The following PCSK4 variants were observed in gnomAD, a reference collection of about 807,000 sequenced individuals.
PCSK4 encodes the protein proprotein convertase subtilisin/kexin type 4.
Under a neutral mutation model 80.3 loss-of-function variants are expected in PCSK4, and 64 were observed. The ratio of observed to expected loss-of-function variants is 0.80; its 90% confidence interval spans 0.65 to 0.98. The LOEUF is 0.98. Among genes scored for constraint, PCSK4 ranks in the 50% least tolerant of loss-of-function variants. The pLI is 0.00. For missense variants in PCSK4, 1,213 were observed against 1,093.6 expected, an observed-to-expected ratio of 1.11 and a Z score of -1.54; for synonymous variants, 561 against 487.6, an observed-to-expected ratio of 1.15 and a Z score of -1.98.
chr19:1,489,659 G>A, intron 2 of PCSK4, 134 bp downstream of exon 2: 1 of 1,439,566 alleles, frequency 6.9e-7, no homozygotes, highest in South Asian at 1.4e-5. Context: ...GTATAGACTT[G>A]GGGCCCGGGC....
chr19:1,489,598 C>A, intron 2 of PCSK4, 195 bp downstream of exon 2: 10 of 992,952 alleles, frequency 1.0e-5, no homozygotes, highest in Non-Finnish European at 1.3e-5. Context: ...TGTACCAGGC[C>A]CTGGCAGGCG....
At position 1,487,798 on chromosome 19, in the gene PCSK4, TG is replaced by T; in HGVS notation, c.579del (p.Ser194AlafsTer52). On this transcript the variant is annotated frameshift_variant, in exon 5 of 15. Coordinates refer to ENST00000300954, the Ensembl canonical transcript of PCSK4. LOFTEE classifies it high-confidence loss of function. ...AGCCCTGCTCACCGGTTCTCTTTGCTGGGGGTGTAGCGGGGCTGGGGGTCCG... is the reference window on the plus strand; with the variant it reads ...AGCCCTGCTCACCGGTTCTCTTTGCTGGGGTGTAGCGGGGCTGGGGGTCCG... 6.3e-7 allele frequency: 1 copy of T among 1,577,170 alleles called. No individual in the cohort carries two copies.
chr19:1,489,224 C>G (rs949072294), intron 2 of PCSK4, among the ~76,000 whole-genome samples: 1 of 151,668 alleles, frequency 6.6e-6, no homozygotes, highest in Non-Finnish European at 1.5e-5. Flanking sequence ...CTCCGCCTCC[C>G]GGGTTCACAC....
At chr19:1,487,984 G>C (rs1176427212) in exon 4 of PCSK4, 1 of 1,613,078 alleles carries the variant, frequency 6.2e-7, no homozygotes, top group Admixed American at 1.7e-5. Context: ...CAGAGGTCCG[G>C]GTGGTCCTTC....
chr19:1,489,631 T>C, intron 2 of PCSK4, 162 bp downstream of exon 2: 1 of 1,302,616 alleles, frequency 7.7e-7, no homozygotes, highest in East Asian at 2.6e-5. Flanking sequence ...TATCTGGGTC[T>C]TCCTGCCTCC....
rs1365469287 is a variant in PCSK4 at position 1,482,827 on chromosome 19, A to T, written c.1696+69T>A. On this transcript the variant is annotated intron_variant, in intron 13 of 14. Transcript: ENST00000300954. ...CTTTTGCAGTGCGGTCACCAAGGCT[A>T]GCTCCAGAGCCCCTGGGGGGAGGTT... The T allele has an allele frequency of 1.5e-5, 23 of 1,552,748 alleles. No individual in the cohort carries two copies. The East Asian group carries it at 2.7e-4, about 18-fold the overall frequency.
exon 15 of PCSK4, chr19:1,482,196 G>A (rs1349598368): frequency 4.5e-6 from 7 of 1,541,412 alleles, no homozygotes; most frequent in Non-Finnish European, 6.1e-6. Context: ...ATGTAGGCGG[G>A]GCCGTCACAC....
exon 4 of PCSK4, chr19:1,488,054 G>A (rs370695497): frequency 2.1e-5 from 34 of 1,613,286 alleles, no homozygotes; most frequent in Non-Finnish European, 2.8e-5. Flanking sequence ...CCTGACTCCA[G>A]GCCTGCAGGA....
exon 15 of PCSK4, chr19:1,481,519 T>C: frequency 2.4e-6 from 1 of 409,724 alleles, no homozygotes; most frequent in Non-Finnish European, 4.3e-6. Flanking sequence ...CACTTTCCCC[T>C]GGCTTTTGGG....
chr19:1,482,575 G>A (rs2084355491), intron 13 of PCSK4, 100 bp from the exon 14 acceptor site: 1 of 1,417,632 alleles, frequency 7.1e-7, no homozygotes, highest in Admixed American at 2.1e-5. Context: ...CCCACGCGGG[G>A]CCCTGGACTG....
At chr19:1,483,452 G>C in exon 12 of PCSK4, 1 of 1,592,542 alleles carries the variant, frequency 6.3e-7, no homozygotes, top group Non-Finnish European at 8.5e-7. Context: ...GTAGATCAGC[G>C]GCAGGATGGG....
intron 1 of PCSK4, 51 bp from the exon 2 acceptor site, chr19:1,489,948 A>G (rs2145449142): frequency 6.4e-7 from 1 of 1,558,926 alleles, no homozygotes; most frequent in Non-Finnish European, 8.7e-7. Context: ...TCCCCTGCTG[A>G]AGCCCCCGAG....
rs1454517442 is a variant in PCSK4 at position 1,482,535 on chromosome 19, G to A, written c.1697-60C>T. 4.6e-5 allele frequency: 72 copies of A among 1,555,768 alleles called. 1 individual carries two copies. Among genetic ancestry groups the A allele is most frequent in the Non-Finnish European group, 1.7e-5 (20 of 1,154,130 alleles). On this transcript the variant is annotated intron_variant, in intron 13 of 14. Transcript: ENST00000300954. The stretch of plus-strand genomic sequence containing the variant: ...AGGAGGCTCTCGGCAGCCTGGTCCT[G>A]GTAGTCCCCGGGCTCCCTCCCCTTC...
rs200905631 is a variant in PCSK4, at chr19:1,487,127, G to A, written c.855+14C>T. ...CTGGCCTGCCACCCCTGCCCTCCTCGGGCTGCCACTCACCTTGGTCACACC... is the reference window on the plus strand; with the variant it reads ...CTGGCCTGCCACCCCTGCCCTCCTCAGGCTGCCACTCACCTTGGTCACACC... On this transcript the variant is annotated intron_variant, in intron 7 of 14. Transcript: ENST00000300954. 559 of 1,602,916 alleles carry A rather than the reference G, an allele frequency of 3.5e-4. 3 individuals are homozygous for A. In the African/African-American group the frequency reaches 6.6e-3, roughly 19 times the overall value.
chr19:1,485,103 G>C (rs1170425680), intron 8 of PCSK4, among the ~76,000 whole-genome samples: 2 of 151,520 alleles, frequency 1.3e-5, no homozygotes, highest in Non-Finnish European at 2.9e-5. Context: ...AGCTAAGATT[G>C]CACCACTGCA....
At chr19:1,489,633 C>G (rs145925188) in intron 2 of PCSK4, 160 bp downstream of exon 2, 149 of 1,314,956 alleles carry the variant, frequency 1.1e-4, no homozygotes, top group Non-Finnish European at 1.5e-4. Flanking sequence ...TCTGGGTCTT[C>G]CTGCCTCCTC....
intron 8 of PCSK4, among the ~76,000 whole-genome samples, chr19:1,485,729 G>T (rs2084568215): frequency 6.6e-6 from 1 of 151,856 alleles, no homozygotes; most frequent in African/African-American, 2.4e-5. Flanking sequence ...AAATTAGCCG[G>T]GCATGGTGGC....
Position 1,482,881 on chromosome 19 carries a change from C to G in PCSK4, c.1696+15G>C, listed in dbSNP as rs759698297. 1 of 1,610,538 alleles carries G rather than the reference C, an allele frequency of 6.2e-7. No individual in the cohort carries two copies. Among genetic ancestry groups the G allele is most frequent in the African/African-American group, 1.3e-5 (1 of 74,960 alleles). On this transcript the variant is annotated intron_variant, in intron 13 of 14. Transcript: ENST00000300954. ...GAGCCAAGCCCCGCCCACCACAGCC[C>G]CGCCCCGCCCTCACCCGTGTTGAAA...
intron 2 of PCSK4, among the ~76,000 whole-genome samples, chr19:1,488,590 T>C (rs1195030793): frequency 6.6e-6 from 1 of 152,136 alleles, no homozygotes; most frequent in Non-Finnish European, 1.5e-5. Flanking sequence ...TTATTTTTTT[T>C]CTTTTTTTGA....
Sources: allele counts gnomAD v4.1 joint callset (sites outside exome capture counted in the v4.1 genomes callset), GRCh38; gene constraint gnomAD v4.1.1; transcripts MANE v1.5; gene names NCBI Gene and HGNC (gene_info 2026-07-23, HGNC 2026-07-21).